PCGF3: variants seen among roughly 807,000 people sequenced by gnomAD.
PCGF3 encodes polycomb group ring finger 3, also known as polycomb group RING finger protein 3.
In PCGF3, 7 loss-of-function variants were observed where a neutral mutation model predicts 33.1. The ratio of observed to expected loss-of-function variants is 0.21; its 90% CI spans 0.12 to 0.40. The LOEUF (loss-of-function observed/expected upper bound fraction) is 0.40. Ranked by LOEUF, PCGF3 falls within the 10% of genes least tolerant of loss-of-function variation. PCGF3 has a pLI of 1.00. For synonymous variants in PCGF3, 153 were observed against 121.3 expected, an observed-to-expected ratio of 1.26 and a Z score of -1.72; for missense variants, 211 against 313.3, an observed-to-expected ratio of 0.67 and a Z score of 2.46.
rs1459688279 is a variant in PCGF3, at chr4:706,748, C to A, written c.-190+778C>A. On this transcript the variant is annotated intron_variant, in intron 1 of 10. Transcript: ENST00000362003. ...GGTCGCGACCCCAGCCCAGGCAGGA[C>A]CCAGGGAGGGCGAAGACCCCAGACC... Among the ~76,000 whole-genome samples, 4 of 129,502 alleles carry A rather than the reference C, an allele frequency of 3.1e-5. No individual in the cohort carries two copies. In the South Asian group the frequency reaches 8.3e-4, roughly 27 times the overall value. 85.0% of individuals were successfully genotyped at this position (129,502 alleles called of 152,430 possible).
intron 9 of PCGF3, chr4:762,086 G>A: frequency 1.0e-6 from 1 of 985,374 alleles, no homozygotes; most frequent in South Asian, 4.7e-5. Flanking sequence ...GACTTGAGAT[G>A]CTGTCTGTAG....
At chr4:741,454 C>G (rs1003274325) in intron 6 of PCGF3, among the ~76,000 whole-genome samples, 4 of 152,210 alleles carry the variant, frequency 2.6e-5, no homozygotes, top group African/African-American at 9.6e-5. Context: ...GTTGCCCAGG[C>G]TGAGTGCAGT....
At chr4:763,785 C>A (rs1335754807) in intron 9 of PCGF3, among the ~76,000 whole-genome samples, 1 of 152,198 alleles carries the variant, frequency 6.6e-6, no homozygotes, top group African/African-American at 2.4e-5. Context: ...TTCATAATTA[C>A]CAAAACCTGG....
intron 1 of PCGF3, among the ~76,000 whole-genome samples, chr4:722,629 C>T (rs1170215435): frequency 1.6e-5 from 2 of 127,806 alleles, no homozygotes; most frequent in African/African-American, 5.8e-5. Context: ...ACTCAGTCAT[C>T]GCCGTCCGCG....
At chr4:710,079 T>C (rs1742501486) in intron 1 of PCGF3, among the ~76,000 whole-genome samples, 1 of 152,200 alleles carries the variant, frequency 6.6e-6, no homozygotes, top group African/African-American at 2.4e-5. Flanking sequence ...TGAGTGGTTG[T>C]ATTATTTATA....
chr4:762,999 A>G (rs1745150129), intron 9 of PCGF3, among the ~76,000 whole-genome samples: 1 of 151,958 alleles, frequency 6.6e-6, no homozygotes, highest in Admixed American at 6.6e-5. Flanking sequence ...GGCACAGAGC[A>G]GAGGCTGTCA....
chr4:729,598 T>C (rs1433622307), intron 1 of PCGF3, among the ~76,000 whole-genome samples: 1 of 152,114 alleles, frequency 6.6e-6, no homozygotes, highest in Admixed American at 6.5e-5. Context: ...TCTCTTCATC[T>C]TGTTTCTCTT....
At chr4:754,570 T>C (rs1744684132) in intron 8 of PCGF3, among the ~76,000 whole-genome samples, 2 of 152,162 alleles carry the variant, frequency 1.3e-5, no homozygotes. Context: ...TGGGACCTGG[T>C]GCCAGGCTGC....
chr4:767,421 G>C (rs1032170579), exon 11 of PCGF3: 1 of 152,072 alleles, frequency 6.6e-6, no homozygotes, highest in Admixed American at 6.6e-5. Context: ...AGTTGTCATT[G>C]TCTTCTCCAC....
exon 11 of PCGF3, chr4:766,037 G>A (rs776014433): frequency 3.4e-5 from 55 of 1,613,834 alleles, no homozygotes; most frequent in Admixed American, 1.5e-4. Flanking sequence ...TCCAGAAGGC[G>A]CCGCTCCTGC....
intron 6 of PCGF3, among the ~76,000 whole-genome samples, chr4:738,925 G>A (rs538464272): frequency 1.4e-4 from 21 of 152,110 alleles, no homozygotes; most frequent in African/African-American, 4.3e-4. Context: ...GGGCGGGATC[G>A]GGGCAGGAAC....
chr4:737,956 C>G (rs962709361), intron 6 of PCGF3, among the ~76,000 whole-genome samples: 24 of 152,308 alleles, frequency 1.6e-4, no homozygotes, highest in South Asian at 6.2e-4. Context: ...AGTCAAATTT[C>G]ATTTAGAATT....
rs1235682058 is a variant in PCGF3, at chr4:720,467, CAG to C, written c.-189-10162_-189-10161del. On this transcript the variant is annotated intron_variant, in intron 1 of 10. Coordinates refer to ENST00000362003, the Ensembl canonical transcript of PCGF3. The surrounding 1 kb of genome is among the most constrained non-coding windows in gnomAD (Gnocchi z 5.6). ...GGTGCAGGGTCTCTTGTCAGGTGGACAGGGGCTGGCCCACCCGTGAGTGGGTA... is the reference window on the plus strand; with the variant it reads ...GGTGCAGGGTCTCTTGTCAGGTGGACGGGCTGGCCCACCCGTGAGTGGGTA... 1.3e-5 allele frequency among the ~76,000 whole-genome samples: 2 copies of C among 152,158 alleles called. No homozygotes were observed. Among genetic ancestry groups the C allele is most frequent in the Non-Finnish European group, 2.9e-5 (2 of 67,992 alleles).
intron 8 of PCGF3, among the ~76,000 whole-genome samples, chr4:752,368 C>CT (rs1052751456): frequency 1.3e-5 from 2 of 152,240 alleles, no homozygotes; most frequent in Admixed American, 6.5e-5. Context: ...TTGCTCTCAT[C>CT]TTTTTTTAAG....
intron 6 of PCGF3, among the ~76,000 whole-genome samples, chr4:742,027 C>T (rs945758209): frequency 6.6e-6 from 1 of 152,154 alleles, no homozygotes; most frequent in Non-Finnish European, 1.5e-5. Flanking sequence ...CTCAGATTCT[C>T]CAGGCTAATC....
chr4:710,421 G>T (rs1359662991), intron 1 of PCGF3, among the ~76,000 whole-genome samples: 1 of 152,236 alleles, frequency 6.6e-6, no homozygotes, highest in Non-Finnish European at 1.5e-5. Context: ...ACACTTGAGG[G>T]GAGGGGACTC....
intron 1 of PCGF3, among the ~76,000 whole-genome samples, chr4:723,461 G>A (rs1249236174): frequency 6.6e-6 from 1 of 152,204 alleles, no homozygotes; most frequent in East Asian, 1.9e-4. Flanking sequence ...GTAGGGCAGG[G>A]CAGACCAGAG....
At chr4:714,324 G>A (rs1471026611) in intron 1 of PCGF3, among the ~76,000 whole-genome samples, 2 of 152,160 alleles carry the variant, frequency 1.3e-5, no homozygotes, top group Admixed American at 6.5e-5. Flanking sequence ...ACTCGTGGCC[G>A]TTCGGCCGCA....
At chr4:760,061 A>G (rs899782247) in intron 8 of PCGF3, among the ~76,000 whole-genome samples, 4 of 152,192 alleles carry the variant, frequency 2.6e-5, no homozygotes, top group Non-Finnish European at 5.9e-5. Flanking sequence ...ACCCCGGAGC[A>G]AGGATGTCTC....
Sources: allele counts gnomAD v4.1 joint callset (sites outside exome capture counted in the v4.1 genomes callset), GRCh38; gene constraint gnomAD v4.1.1; non-coding constraint Gnocchi (gnomAD v3.1); transcripts MANE v1.5; gene names NCBI Gene and HGNC (gene_info 2026-07-23, HGNC 2026-07-21).